The following CFAP92 variants were observed in gnomAD, a reference collection of about 807,000 sequenced individuals.
CFAP92 encodes the protein uncharacterized protein CFAP92.
Under a neutral mutation model 106.3 loss-of-function variants are expected in CFAP92, and 86 were observed. The ratio of observed to expected loss-of-function variants is 0.81; its 90% CI spans 0.68 to 0.97. The LOEUF is 0.97. CFAP92 is among the 50% of genes least tolerant of loss of function. The pLI, the probability that CFAP92 is intolerant of heterozygous loss-of-function variation, is 0.00. For synonymous variants in CFAP92, 477 were observed against 506.4 expected, an observed-to-expected ratio of 0.94 and a Z score of 0.78; for missense variants, 1,204 against 1,283.8, an observed-to-expected ratio of 0.94 and a Z score of 0.95.
At chr3:128,977,871 G>A (rs1229978545) in intron 5 of CFAP92, among the ~76,000 whole-genome samples, 174 bp downstream of exon 5, 1 of 152,128 alleles carries the variant, frequency 6.6e-6, no homozygotes, top group Non-Finnish European at 1.5e-5. Flanking sequence ...GTAACAAAAA[G>A]TAAGCCATGC....
chr3:128,910,593 G>GAATT, intron 15 of CFAP92: 1 of 904,112 alleles, frequency 1.1e-6, no homozygotes, highest in South Asian at 1.3e-5. Context: ...ATCAGGGCTG[G>GAATT]AATTAGAACC....
chr3:128,925,697 A>T (rs1005269307), intron 12 of CFAP92, among the ~76,000 whole-genome samples: 1 of 152,234 alleles, frequency 6.6e-6, no homozygotes, highest in Non-Finnish European at 1.5e-5. Flanking sequence ...TACAGATTTA[A>T]CAAGTTCTAG....
At chr3:128,995,300 T>G (rs967869781), upstream of CFAP92, among the ~76,000 whole-genome samples, 1 of 152,066 alleles carries the variant, frequency 6.6e-6, no homozygotes, top group Non-Finnish European at 1.5e-5. Flanking sequence ...CCAATACTCC[T>G]CGGGTTCAGT....
upstream of CFAP92, among the ~76,000 whole-genome samples, chr3:128,996,123 A>C (rs1944471089): frequency 6.6e-6 from 1 of 152,212 alleles, no homozygotes; most frequent in Non-Finnish European, 1.5e-5. Flanking sequence ...GAGGAAGCCC[A>C]AGCAGCCATG....
rs190185728 is a variant in CFAP92, at chr3:128,925,270, C to T, written c.2751+7430G>A. ...TTAGAGTCTCATAAGGAACATGCAA[C>T]CTAGAACCCTTGCATGTTCAGTTCA... On this transcript the variant is annotated intron_variant, in intron 12 of 15. Coordinates refer to ENST00000645291, the MANE Select transcript of CFAP92 (RefSeq NM_001394090.1). 1.5e-3 allele frequency among the ~76,000 whole-genome samples: 231 copies of T among 152,272 alleles called. 2 individuals carry two copies. The highest frequency in any genetic ancestry group is 5.7e-3 in the Admixed American group (87 of 15,300).
intron 12 of CFAP92, among the ~76,000 whole-genome samples, chr3:128,922,499 G>A (rs9855560): frequency 0.03 from 4,557 of 152,316 alleles, 221 homozygotes; most frequent in African/African-American, 0.1. Flanking sequence ...CAGCAGGAAA[G>A]GCTGTATATT....
rs1261060482 is a variant in CFAP92, at chr3:128,988,894, A to G, written c.287T>C (p.Leu96Ser). The G allele has an allele frequency of 6.2e-7, 1 of 1,613,384 alleles. No homozygotes were observed. Among genetic ancestry groups the G allele is most frequent in the Admixed American group, 1.7e-5 (1 of 59,948 alleles). The change falls in exon 3 of 16, where the codon TTG becomes TCG. Residue 96 changes from leucine to serine, a missense_variant. Physicochemically the swap from Leu to Ser is moderately radical, Grantham distance 145 (BLOSUM62 -2). Transcript: ENST00000645291. The stretch of plus-strand genomic sequence containing the variant: ...AGGGTGTTTCTTATATTTTTCAATC[A>G]AACTTGCATATTTTCCCTTCTGACC... ...NMGQKGKYAS[L>S]IEKYKKHPKT...
Position 128,932,689 on chromosome 3 carries a change from AG to A in CFAP92, c.2751+10del. On this transcript the variant is annotated intron_variant, in intron 12 of 15. Transcript: ENST00000645291. ...CCTGGGAACCCCAAGTTGGGGAGGA[AG>A]GCGGCCCACCTGGATGAAACTGTGC... 6.6e-7 allele frequency: 1 copy of A among 1,524,236 alleles called. No individual in the cohort carries two copies. The highest frequency in any genetic ancestry group is 8.8e-7 in the Non-Finnish European group (1 of 1,140,634). The allele number at this position is 1,524,236 out of a possible 1,614,324, so 94.4% of individuals were successfully genotyped here.
the CFAP92 span, among the ~76,000 whole-genome samples, chr3:129,018,472 A>G: frequency 6.6e-5 from 10 of 152,248 alleles, no homozygotes; most frequent in Admixed American, 3.3e-4. Flanking sequence ...AGCCATGTCC[A>G]CTTGTTTACA....
upstream of CFAP92, among the ~76,000 whole-genome samples, chr3:128,995,183 C>G (rs2107831453): frequency 6.6e-6 from 1 of 152,310 alleles, no homozygotes; most frequent in East Asian, 1.9e-4. Context: ...TGTCAAAGAG[C>G]AAAACTGTGG....
upstream of CFAP92, among the ~76,000 whole-genome samples, chr3:128,995,388 C>T (rs762952185): frequency 2.0e-5 from 3 of 151,038 alleles, no homozygotes; most frequent in Non-Finnish European, 4.4e-5. Context: ...GGTTCAAACT[C>T]TTAGCACGAG....
rs534577640 is a variant in CFAP92, at chr3:128,950,460, AG to A, written c.1354-4486del. ...GAAACAAACAGGAAGATCAACCTAAAGGAAGCGGACTACACACGTGACGACA... is the reference window on the plus strand; with the variant it reads ...GAAACAAACAGGAAGATCAACCTAAAGAAGCGGACTACACACGTGACGACA... On this transcript the variant is annotated intron_variant, in intron 9 of 15. Coordinates refer to ENST00000645291, the MANE Select transcript of CFAP92 (RefSeq NM_001394090.1). Among the ~76,000 whole-genome samples, 6 of 152,356 alleles carry A rather than the reference AG, an allele frequency of 3.9e-5. No homozygotes were observed. The South Asian group carries it at 1.2e-3, about 32-fold the overall frequency.
At position 128,916,130 on chromosome 3, in the gene CFAP92, CCTT is replaced by C. The variant is rs1936797944; in HGVS notation, c.2890_2892del (p.Lys964del). The C allele has an allele frequency of 4.9e-6, 6 of 1,232,222 alleles. No homozygotes were observed. The highest frequency in any genetic ancestry group is 6.1e-6 in the Non-Finnish European group (6 of 988,028). 76.3% of individuals were successfully genotyped at this position (1,232,222 alleles called of 1,614,324 possible). A position where few individuals can be genotyped will look rare whatever the true frequency, so the allele number is the denominator to read the frequency against. ...ACCTTGGCTATCTCTTGATACAGCT[CCTT>C]CTTGGCAAGCTCTGTAGAATTCATG... On this transcript the variant is annotated inframe_deletion, in exon 13 of 16. Transcript: ENST00000645291.
At chr3:128,939,897 C>T (rs1939462798) in intron 10 of CFAP92, among the ~76,000 whole-genome samples, 1 of 152,234 alleles carries the variant, frequency 6.6e-6, no homozygotes, top group Non-Finnish European at 1.5e-5. Flanking sequence ...GGTGGCGAAG[C>T]TCAGGCAGAG....
the CFAP92 span, among the ~76,000 whole-genome samples, chr3:129,015,958 G>A: frequency 6.6e-6 from 1 of 152,218 alleles, no homozygotes; most frequent in African/African-American, 2.4e-5. Flanking sequence ...ATGGCCCAAA[G>A]TAGCCTGGCT....
In CFAP92 at chr3:128,915,670, A is replaced by T. The variant is rs962604684; in HGVS notation, c.2917-107T>A. The T allele has an allele frequency of 1.4e-5, 10 of 733,620 alleles. No individual in the cohort carries two copies. The African/African-American group carries it at 1.6e-4, about 12-fold the overall frequency. The allele number at this position is 733,620 out of a possible 1,614,324, so 45.4% of individuals were successfully genotyped here. A position where few individuals can be genotyped will look rare whatever the true frequency, so the allele number is the denominator to read the frequency against. ...TGGGGGCATAATCATAGTTCCTGAC[A>T]ATGTAAATAGTGCATTGAGAGGAAA... On this transcript the variant is annotated intron_variant, in intron 13 of 15. Transcript: ENST00000645291.
intron 10 of CFAP92, among the ~76,000 whole-genome samples, chr3:128,943,354 C>T (rs757254133): frequency 8.8e-5 from 13 of 147,428 alleles, no homozygotes; most frequent in Admixed American, 6.0e-4. Flanking sequence ...AGTGGCTCCC[C>T]GCTTCTCTCT....
intron 12 of CFAP92, among the ~76,000 whole-genome samples, chr3:128,923,970 C>T (rs568053748): frequency 7.2e-5 from 11 of 152,334 alleles, no homozygotes; most frequent in African/African-American, 2.4e-4. Context: ...CCATTGGAAG[C>T]TCTATACTTG....
At chr3:129,008,291 C>T in the CFAP92 span, among the ~76,000 whole-genome samples, 1 of 152,234 alleles carries the variant, frequency 6.6e-6, no homozygotes, top group Non-Finnish European at 1.5e-5. Context: ...GAGTCTCCTT[C>T]TGTAACTCAC....
Sources: gnomAD v4.1 joint callset for allele counts (sites outside exome capture counted in the v4.1 genomes callset) on GRCh38, gnomAD v4.1.1 for gene constraint, MANE v1.5 for transcripts, NCBI Gene and HGNC (gene_info 2026-07-23, HGNC 2026-07-21) for gene names.